Variants in FAR2 observed in about 807,000 individuals in gnomAD.
The protein encoded by FAR2 is fatty acyl-CoA reductase 2, also known as epididymis secretory protein Li 81.
FAR2 carries 19 observed loss-of-function variants against 56.0 expected under a neutral mutation model. The observed-to-expected ratio is 0.34, with a 90% CI of 0.24 to 0.50. FAR2 has a LOEUF of 0.50. FAR2 is among the 20% of genes least tolerant of loss of function. The pLI, the probability that FAR2 is intolerant of heterozygous loss-of-function variation, is 0.98. For synonymous variants in FAR2, 219 were observed against 218.8 expected, an observed-to-expected ratio of 1.00 and a Z score of -0.01; for missense variants, 508 against 642.2, an observed-to-expected ratio of 0.79 and a Z score of 2.26.
intron 3 of FAR2, among the ~76,000 whole-genome samples, chr12:29,293,872 T>C (rs1482529898): frequency 1.3e-5 from 2 of 152,178 alleles, no homozygotes; most frequent in African/African-American, 4.8e-5. Context: ...TCGGTGGACA[T>C]TTGGATTGTT....
chr12:29,199,057 G>C (rs1947370745), intron 1 of FAR2, among the ~76,000 whole-genome samples: 1 of 152,166 alleles, frequency 6.6e-6, no homozygotes, highest in Non-Finnish European at 1.5e-5. Flanking sequence ...TAAAGGTAAA[G>C]GACATCAGCT....
intron 1 of FAR2, among the ~76,000 whole-genome samples, chr12:29,176,757 T>C (rs1949942941): frequency 1.3e-5 from 2 of 152,344 alleles, no homozygotes; most frequent in South Asian, 4.1e-4. Context: ...ATTTAGGCTG[T>C]GCCCCTGACC....
intron 1 of FAR2, among the ~76,000 whole-genome samples, chr12:29,237,197 G>A (rs1192811009): frequency 2.0e-5 from 3 of 152,164 alleles, no homozygotes; most frequent in Non-Finnish European, 4.4e-5. Flanking sequence ...TGATAGTTTA[G>A]ATCAGCAGTT....
chr12:29,204,507 C>G (rs1293905787), intron 1 of FAR2, among the ~76,000 whole-genome samples: 1 of 152,140 alleles, frequency 6.6e-6, no homozygotes, highest in East Asian at 1.9e-4. Context: ...AAAGCAGAAA[C>G]TATCTTTGTA....
chr12:29,251,167 C>T (rs1219505425), intron 1 of FAR2, among the ~76,000 whole-genome samples: 1 of 152,130 alleles, frequency 6.6e-6, no homozygotes, highest in African/African-American at 2.4e-5. Context: ...GTCAACTGAA[C>T]AAAAAGTGTA....
chr12:29,151,255 A>G (rs577335804), intron 1 of FAR2: 1 of 152,206 alleles, frequency 6.6e-6, no homozygotes, highest in South Asian at 2.1e-4. Flanking sequence ...CCCTACCAAT[A>G]TATTCTGACA....
At chr12:29,327,555 G>C (rs1279683473) in intron 10 of FAR2, among the ~76,000 whole-genome samples, 3 of 152,134 alleles carry the variant, frequency 2.0e-5, no homozygotes, top group African/African-American at 7.2e-5. Flanking sequence ...CCAAAACAGA[G>C]ATAGAGACCA....
At chr12:29,305,247 C>A (rs951310641) in intron 4 of FAR2, among the ~76,000 whole-genome samples, 2 of 152,144 alleles carry the variant, frequency 1.3e-5, no homozygotes, top group Non-Finnish European at 2.9e-5. Flanking sequence ...AATCCTCCTG[C>A]CTCAGCCTCC....
chr12:29,297,975 G>A (rs1949098171), intron 4 of FAR2, among the ~76,000 whole-genome samples: 1 of 148,018 alleles, frequency 6.8e-6, no homozygotes, highest in African/African-American at 2.5e-5. Flanking sequence ...GGCAGAGGTT[G>A]CAATGAGCCG....
chr12:29,250,081 G>C (rs1048229154), intron 1 of FAR2, among the ~76,000 whole-genome samples: 9 of 152,230 alleles, frequency 5.9e-5, no homozygotes, highest in Non-Finnish European at 1.0e-4. Context: ...TTCATTCATT[G>C]ATTCAACAAT....
chr12:29,177,256 A>C (rs757193820), intron 1 of FAR2, among the ~76,000 whole-genome samples: 1 of 152,204 alleles, frequency 6.6e-6, no homozygotes, highest in African/African-American at 2.4e-5. Context: ...ATTCCAGTCT[A>C]TTCCAGCTGC....
intron 1 of FAR2, among the ~76,000 whole-genome samples, chr12:29,175,017 G>A (rs919259702): frequency 4.6e-5 from 7 of 152,214 alleles, no homozygotes; most frequent in African/African-American, 1.7e-4. Context: ...AAGAGTTGGG[G>A]GTTGTTAGAG....
At chr12:29,318,981 TTTTC>T (rs1367315592) in intron 9 of FAR2, among the ~76,000 whole-genome samples, 3 of 151,884 alleles carry the variant, frequency 2.0e-5, no homozygotes, top group African/African-American at 4.8e-5. Context: ...AGTCTTTTTT[TTTTC>T]TTTTTCTTTT....
chr12:29,194,134 T>A (rs1950125023), intron 1 of FAR2, among the ~76,000 whole-genome samples: 1 of 152,166 alleles, frequency 6.6e-6, no homozygotes. Flanking sequence ...AACTGTTCCT[T>A]CAAATGGAGT....
intron 1 of FAR2, among the ~76,000 whole-genome samples, chr12:29,255,399 A>G (rs748614284): frequency 2.6e-5 from 4 of 152,170 alleles, no homozygotes; most frequent in African/African-American, 9.7e-5. Context: ...CCTTTTTCCA[A>G]ATACTATCAC....
intron 1 of FAR2, among the ~76,000 whole-genome samples, chr12:29,218,217 G>C (rs976080563): frequency 7.9e-5 from 12 of 152,154 alleles, no homozygotes; most frequent in Admixed American, 3.3e-4. Context: ...AAATTAACCA[G>C]GTATGATGGC....
At chr12:29,285,913 TA>T (rs1047635592) in intron 2 of FAR2, among the ~76,000 whole-genome samples, 3 of 151,836 alleles carry the variant, frequency 2.0e-5, no homozygotes, top group Non-Finnish European at 4.4e-5. Flanking sequence ...GCTTCAGTCT[TA>T]AAAAAAGCTT....
intron 1 of FAR2, among the ~76,000 whole-genome samples, chr12:29,247,061 A>G (rs1179428599): frequency 6.6e-6 from 1 of 152,186 alleles, no homozygotes; most frequent in African/African-American, 2.4e-5. Context: ...ATGTATTTAC[A>G]TTTACTCACA....
At chr12:29,238,897 C>T (rs752994290) in intron 1 of FAR2, among the ~76,000 whole-genome samples, 3 of 152,148 alleles carry the variant, frequency 2.0e-5, no homozygotes, top group Non-Finnish European at 2.9e-5. Context: ...ATTATGATCT[C>T]ACAGTTTCCA....
Sources: allele counts gnomAD v4.1 joint callset (sites outside exome capture counted in the v4.1 genomes callset), GRCh38; gene constraint gnomAD v4.1.1; transcripts MANE v1.5; gene names NCBI Gene and HGNC (gene_info 2026-07-23, HGNC 2026-07-21).